SAXO1: variants seen among roughly 807,000 people sequenced by gnomAD.
SAXO1 encodes the protein stabilizer of axonemal microtubules 1.
SAXO1 carries 21 observed loss-of-function variants against 17.5 expected under a neutral mutation model. The observed-to-expected ratio is 1.20, with a 90% CI of 0.85 to 1.72. SAXO1 has a LOEUF of 1.72. Ranked by LOEUF, SAXO1 falls within the 40% of genes most tolerant of loss-of-function variation. The pLI is 0.00. For synonymous variants in SAXO1, 274 were observed against 216.5 expected (o/e 1.27, Z -2.33); for missense variants, 843 against 596.0 (o/e 1.41, Z -4.32).
At chr9:19,009,289 G>C (rs1834622113) in intron 1 of SAXO1, among the ~76,000 whole-genome samples, 1 of 152,048 alleles carries the variant, frequency 6.6e-6, no homozygotes, top group African/African-American at 2.4e-5. Context: ...AAGGTAAAAA[G>C]GGAGTTTCAA....
intron 1 of SAXO1, among the ~76,000 whole-genome samples, chr9:18,990,428 G>C (rs902904961): frequency 6.6e-6 from 1 of 152,150 alleles, no homozygotes; most frequent in African/African-American, 2.4e-5. Flanking sequence ...ATTCCTAGCA[G>C]GACACCGTGG....
chr9:18,967,793 G>GA (rs151140495), intron 1 of SAXO1, among the ~76,000 whole-genome samples: 27,414 of 149,318 alleles, frequency 0.18, 5,230 homozygotes, highest in African/African-American at 0.49. Flanking sequence ...ATTGGGGTAT[G>GA]AAAAAAAAAA....
At chr9:19,005,413 A>G (rs1834444013) in intron 1 of SAXO1, among the ~76,000 whole-genome samples, 1 of 152,214 alleles carries the variant, frequency 6.6e-6, no homozygotes, top group South Asian at 2.1e-4. Flanking sequence ...ACAGTATGAT[A>G]CTAGCATAAG....
chr9:19,034,825 T>A (rs750091090), upstream of SAXO1, among the ~76,000 whole-genome samples: 17 of 152,168 alleles, frequency 1.1e-4, no homozygotes, highest in Non-Finnish European at 1.9e-4. Flanking sequence ...ACAGAGGAAA[T>A]ACAGTGCTGG....
At chr9:19,026,392 A>C (rs1396568644) in intron 1 of SAXO1, among the ~76,000 whole-genome samples, 1 of 152,196 alleles carries the variant, frequency 6.6e-6, no homozygotes, top group Non-Finnish European at 1.5e-5. Context: ...CATATATTAA[A>C]ATTAATCTCA....
At chr9:18,960,206 G>T (rs79305437) in intron 1 of SAXO1, among the ~76,000 whole-genome samples, 2,246 of 152,292 alleles carry the variant, frequency 0.015, 60 homozygotes, top group African/African-American at 0.051. Context: ...GGTACAATTG[G>T]TGAAGCCATC....
At chr9:19,013,775 G>T (rs565799962) in intron 1 of SAXO1, among the ~76,000 whole-genome samples, 19 of 152,130 alleles carry the variant, frequency 1.2e-4, no homozygotes, top group African/African-American at 4.6e-4. Flanking sequence ...TTGAACTCCT[G>T]ACCTCAGGTG....
chr9:19,031,589 A>C (rs935100412), intron 1 of SAXO1, among the ~76,000 whole-genome samples: 3 of 152,162 alleles, frequency 2.0e-5, no homozygotes, highest in Non-Finnish European at 4.4e-5. Flanking sequence ...GCGGCCTTAG[A>C]AAAAAAGGTT....
chr9:18,974,258 G>T (rs1199793540), intron 1 of SAXO1, among the ~76,000 whole-genome samples: 2 of 152,364 alleles, frequency 1.3e-5, no homozygotes, highest in Middle Eastern at 3.4e-3. Flanking sequence ...GACCTCTGGA[G>T]TGTTGGAACG....
Position 18,930,699 on chromosome 9 carries a change from G to A in SAXO1, c.422-1644C>T, listed in dbSNP as rs995305195. On this transcript the variant is annotated intron_variant, in intron 3 of 3. Coordinates refer to ENST00000380534, the MANE Select transcript of SAXO1 (RefSeq NM_153707.4). ...TTTTTAGTAGAGACGGTGTTTCTCCGTGTTGGTCAGGCTGGTCTCGAACTC... is the reference window on the plus strand; with the variant it reads ...TTTTTAGTAGAGACGGTGTTTCTCCATGTTGGTCAGGCTGGTCTCGAACTC... Among the ~76,000 whole-genome samples, 39 of 152,096 alleles carry A rather than the reference G, an allele frequency of 2.6e-4. 1 individual carries two copies. The highest frequency in any genetic ancestry group is 3.9e-4 in the East Asian group (2 of 5,186).
intron 1 of SAXO1, among the ~76,000 whole-genome samples, chr9:18,985,739 T>C (rs1423773519): frequency 1.4e-4 from 21 of 152,204 alleles, no homozygotes; most frequent in Admixed American, 1.4e-3. Context: ...CAAAGGCTAA[T>C]GAGAACAAGG....
chr9:19,036,468 T>C (rs922788726), upstream of SAXO1, among the ~76,000 whole-genome samples: 5 of 151,660 alleles, frequency 3.3e-5, 1 homozygote, highest in Admixed American at 1.3e-4. Context: ...AATGGTTTCA[T>C]GGGCCGGGAC....
At chr9:19,041,159 C>T (rs10963926) in intron 1 of SAXO1, among the ~76,000 whole-genome samples, 4 of 94,854 alleles carry the variant, frequency 4.2e-5, no homozygotes, top group Non-Finnish European at 7.7e-5. Flanking sequence ...AGTGAACAAT[C>T]TGAAAAAAAA....
rs144352369 is a variant in SAXO1, at chr9:19,027,128, G to C, written c.38+5743C>G. The stretch of plus-strand genomic sequence containing the variant: ...TGTACCTTGTCTCCAACATCATCGA[G>C]CTCCTGGATGTTGATCCCAATGATC... On this transcript the variant is annotated intron_variant, in intron 1 of 3. Transcript: ENST00000380534. The C allele has an allele frequency of 4.8e-3, 5,022 of 1,037,236 alleles. 73 individuals are homozygous for C. The highest frequency in any genetic ancestry group is 0.033 in the South Asian group (2,596 of 79,460). 64.3% of individuals were successfully genotyped at this position (1,037,236 alleles called of 1,614,324 possible).
chr9:18,930,128 G>C lies in SAXO1; in HGVS notation c.422-1073C>G, dbSNP rs149049728. 3.0e-3 allele frequency among the ~76,000 whole-genome samples: 456 copies of C among 152,228 alleles called. 4 individuals are homozygous for C. Among genetic ancestry groups the C allele is most frequent in the African/African-American group, 0.011 (441 of 41,550 alleles). On this transcript the variant is annotated intron_variant, in intron 3 of 3. Transcript: ENST00000380534. ...TCTGATACCTCATATCACACTTAGG[G>C]GCATTTTATTTCCAGATGGAGTAAA...
intron 1 of SAXO1, among the ~76,000 whole-genome samples, chr9:18,953,426 C>G (rs1347786042): frequency 6.6e-6 from 1 of 152,152 alleles, no homozygotes; most frequent in African/African-American, 2.4e-5. Context: ...AAGGAGATGT[C>G]AGTACAGCAA....
chr9:18,942,527 T>A lies in SAXO1; in HGVS notation c.219-688A>T, dbSNP rs547512098. Among the ~76,000 whole-genome samples, 58 of 152,312 alleles carry A rather than the reference T, an allele frequency of 3.8e-4. No individual in the cohort carries two copies. The South Asian group carries it at 0.012, about 31-fold the overall frequency. On this transcript the variant is annotated intron_variant, in intron 2 of 3. Coordinates refer to ENST00000380534, the MANE Select transcript of SAXO1 (RefSeq NM_153707.4). ...CTTCTCCTGCTAATGTTTATCTCTT[T>A]CCTCTACTTAGCCTACAGAAAACCC...
intron 1 of SAXO1, among the ~76,000 whole-genome samples, chr9:18,959,145 A>G (rs1832379368): frequency 1.3e-5 from 2 of 152,212 alleles, no homozygotes; most frequent in African/African-American, 2.4e-5. Flanking sequence ...TTCAACAGAC[A>G]TTCTGAAAAA....
intron 3 of SAXO1, among the ~76,000 whole-genome samples, chr9:18,935,459 T>C (rs1831244183): frequency 6.6e-6 from 1 of 152,174 alleles, no homozygotes; most frequent in Admixed American, 6.5e-5. Context: ...GGATGATAAG[T>C]TGATAGATGG....
Sources: allele counts gnomAD v4.1 joint callset (sites outside exome capture counted in the v4.1 genomes callset), GRCh38; gene constraint gnomAD v4.1.1; transcripts MANE v1.5; gene names NCBI Gene and HGNC (gene_info 2026-07-23, HGNC 2026-07-21).